ANO10: variants seen among roughly 807,000 people sequenced by gnomAD.
ANO10 encodes the protein anoctamin-10.
Under a neutral mutation model 74.7 loss-of-function variants are expected in ANO10, and 77 were observed. The ratio of observed to expected loss-of-function variants is 1.03; its 90% CI spans 0.86 to 1.25. ANO10 has a LOEUF of 1.25. Ranked by LOEUF, ANO10 falls within the 50% of genes most tolerant of loss-of-function variation. The pLI, the probability that ANO10 is intolerant of heterozygous loss-of-function variation, is 0.00. For missense variants in ANO10, 721 were observed against 778.1 expected (o/e 0.93, Z 0.87); for synonymous variants, 279 against 284.9 (o/e 0.98, Z 0.21).
intron 1 of ANO10, among the ~76,000 whole-genome samples, chr3:43,613,533 G>A (rs751704377): frequency 6.6e-6 from 1 of 152,180 alleles, no homozygotes; most frequent in African/African-American, 2.4e-5. Flanking sequence ...CTGATCCAAT[G>A]GCCAGTACGT....
chr3:43,680,067 C>T (rs543650583), intron 1 of ANO10, among the ~76,000 whole-genome samples: 201 of 152,238 alleles, frequency 1.3e-3, no homozygotes, highest in Non-Finnish European at 2.4e-3. Context: ...TCACCAGCAA[C>T]GGAACAAAGC....
At chr3:43,654,646 T>C (rs2083826745) in intron 1 of ANO10, among the ~76,000 whole-genome samples, 1 of 152,184 alleles carries the variant, frequency 6.6e-6, no homozygotes, top group African/African-American at 2.4e-5. Context: ...TCTTTGCCCC[T>C]TTCCTTCTAC....
At chr3:43,669,192 A>C (rs564553283) in intron 1 of ANO10, among the ~76,000 whole-genome samples, 1 of 151,972 alleles carries the variant, frequency 6.6e-6, no homozygotes, top group Non-Finnish European at 1.5e-5. Context: ...TCTCTGGAAA[A>C]ACCCCAGGAG....
chr3:43,669,948 T>C (rs1345176326), intron 1 of ANO10, among the ~76,000 whole-genome samples: 2 of 152,138 alleles, frequency 1.3e-5, no homozygotes, highest in East Asian at 1.9e-4. Flanking sequence ...ATGGTCTCGA[T>C]CTCCTGACCT....
chr3:43,370,192 G>A (rs923834286), intron 12 of ANO10, among the ~76,000 whole-genome samples: 1 of 152,220 alleles, frequency 6.6e-6, no homozygotes, highest in East Asian at 1.9e-4. Flanking sequence ...AGCACTGGCA[G>A]AAGTGATGTC....
At chr3:43,685,969 C>T (rs2084269730) in intron 1 of ANO10, among the ~76,000 whole-genome samples, 2 of 152,152 alleles carry the variant, frequency 1.3e-5, no homozygotes, top group African/African-American at 4.8e-5. Context: ...CCTTTATGAC[C>T]TGGCGTTTGT....
intron 1 of ANO10, among the ~76,000 whole-genome samples, chr3:43,651,100 G>A (rs2083781921): frequency 6.6e-6 from 1 of 151,954 alleles, no homozygotes; most frequent in Non-Finnish European, 1.5e-5. Context: ...TTTGGGGGAG[G>A]GCAGTAAAAT....
At chr3:43,663,817 C>A (rs1047895930) in intron 1 of ANO10, among the ~76,000 whole-genome samples, 1 of 151,806 alleles carries the variant, frequency 6.6e-6, no homozygotes, top group Admixed American at 6.6e-5. Flanking sequence ...AAGAATACAA[C>A]TTACAAGAGA....
intron 11 of ANO10, among the ~76,000 whole-genome samples, chr3:43,547,751 T>C (rs991972936): frequency 7.9e-5 from 12 of 152,110 alleles, no homozygotes; most frequent in Admixed American, 5.2e-4. Flanking sequence ...CCAGTAAGTC[T>C]CCCGAATTAA....
At chr3:43,383,186 G>C (rs1017716007) in intron 12 of ANO10, among the ~76,000 whole-genome samples, 7 of 152,180 alleles carry the variant, frequency 4.6e-5, no homozygotes, top group African/African-American at 1.7e-4. Flanking sequence ...GGGTGCGGTG[G>C]CTCATGTCTG....
intron 12 of ANO10, among the ~76,000 whole-genome samples, chr3:43,388,118 A>G (rs993919127): frequency 4.6e-5 from 7 of 152,210 alleles, no homozygotes; most frequent in African/African-American, 1.7e-4. Context: ...GAAATGAAAG[A>G]CCCTGGTGTG....
intron 11 of ANO10, among the ~76,000 whole-genome samples, chr3:43,495,054 A>G (rs1440761811): frequency 2.6e-5 from 4 of 152,100 alleles, no homozygotes; most frequent in Non-Finnish European, 5.9e-5. Flanking sequence ...AACAATATGG[A>G]TTGGCTCAAA....
chr3:43,633,778 G>A (rs946585729), intron 1 of ANO10, among the ~76,000 whole-genome samples: 2 of 152,006 alleles, frequency 1.3e-5, no homozygotes, highest in Admixed American at 6.5e-5. Flanking sequence ...TACTCGTTGT[G>A]TAGCAGTCAG....
intron 11 of ANO10, chr3:43,485,826 T>G (rs1331765832): frequency 3.6e-6 from 1 of 280,144 alleles, no homozygotes; most frequent in Non-Finnish European, 7.1e-6. Flanking sequence ...CATTCCGGGG[T>G]GTGCAGGCAG....
rs554269273 is a variant in ANO10, at chr3:43,382,295, G to A, written c.1915-15321C>T. On this transcript the variant is annotated intron_variant, in intron 12 of 12. Coordinates refer to ENST00000292246, the MANE Select transcript of ANO10 (RefSeq NM_018075.5). Reference sequence around the variant, plus strand: ...AGCACTTTGGGAGGCCGAGGCGGGCGGATCACGAGGTCAGGAGATCGAGAC... The same window carrying A: ...AGCACTTTGGGAGGCCGAGGCGGGCAGATCACGAGGTCAGGAGATCGAGAC... Among the ~76,000 whole-genome samples, 17 of 152,126 alleles carry A rather than the reference G, an allele frequency of 1.1e-4. No homozygotes were observed. The South Asian group carries it at 1.7e-3, about 15-fold the overall frequency.
chr3:43,407,985 T>C (rs140786310), intron 12 of ANO10, among the ~76,000 whole-genome samples: 1 of 152,240 alleles, frequency 6.6e-6, no homozygotes, highest in East Asian at 1.9e-4. Context: ...CATTGAGTCA[T>C]ATTTGTATTT....
chr3:43,446,790 G>A (rs76578045), intron 11 of ANO10, among the ~76,000 whole-genome samples: 2,714 of 152,128 alleles, frequency 0.018, 75 homozygotes, highest in African/African-American at 0.06. Context: ...CAGCAAAAGC[G>A]ATTTATCCTA....
At chr3:43,568,298 T>A (rs2080486624) in intron 7 of ANO10, among the ~76,000 whole-genome samples, 1 of 151,910 alleles carries the variant, frequency 6.6e-6, no homozygotes, top group Non-Finnish European at 1.5e-5. Flanking sequence ...TCAACAAGGA[T>A]ACCCAGGAAT....
intron 1 of ANO10, among the ~76,000 whole-genome samples, chr3:43,666,758 G>T (rs1277578025): frequency 6.6e-6 from 1 of 152,172 alleles, no homozygotes; most frequent in African/African-American, 2.4e-5. Context: ...TTAAGGGCTT[G>T]CTCCCTTCTA....
Sources: allele counts gnomAD v4.1 joint callset (sites outside exome capture counted in the v4.1 genomes callset), GRCh38; gene constraint gnomAD v4.1.1; transcripts MANE v1.5; gene names NCBI Gene and HGNC (gene_info 2026-07-23, HGNC 2026-07-21).